The following UBXN2A variants were observed in gnomAD, a reference collection of about 807,000 sequenced individuals.
UBXN2A encodes UBX domain protein 2A.
UBXN2A carries 28 observed loss-of-function variants against 28.4 expected under a neutral mutation model. The observed-to-expected ratio is 0.99, with a 90% CI of 0.73 to 1.35. The LOEUF (loss-of-function observed/expected upper bound fraction) is 1.35. Among genes scored for constraint, UBXN2A ranks in the 40% most tolerant of loss-of-function variants. The probability of loss-of-function intolerance (pLI) is 0.00; values close to 1 mark genes in which losing one functional copy is unlikely to be tolerated. For synonymous variants in UBXN2A, 97 were observed against 103.6 expected, an observed-to-expected ratio of 0.94 and a Z score of 0.39; for missense variants, 253 against 297.9, an observed-to-expected ratio of 0.85 and a Z score of 1.11.
At chr2:23,954,006 A>C (rs1464769117) in intron 1 of UBXN2A, among the ~76,000 whole-genome samples, 2 of 152,086 alleles carry the variant, frequency 1.3e-5, no homozygotes, top group Non-Finnish European at 2.9e-5. Context: ...TGGAGACATT[A>C]TAATTTTTTT....
upstream of UBXN2A, among the ~76,000 whole-genome samples, chr2:23,938,977 T>C (rs1047620129): frequency 6.6e-6 from 1 of 152,112 alleles, no homozygotes; most frequent in Non-Finnish European, 1.5e-5. Context: ...GCAGTGAGAT[T>C]TGAACTCACC....
At chr2:23,987,143 T>A (rs901835561) in intron 6 of UBXN2A, among the ~76,000 whole-genome samples, 4 of 152,104 alleles carry the variant, frequency 2.6e-5, no homozygotes, top group Non-Finnish European at 5.9e-5. Context: ...TAGAAACATG[T>A]CATATATAGC....
chr2:23,981,476 T>TAAA lies in UBXN2A; in HGVS notation c.288-1391_288-1389dup, dbSNP rs55665209. Among the ~76,000 whole-genome samples, 172 of 28,940 alleles carry TAAA rather than the reference T, an allele frequency of 5.9e-3. 5 individuals carry two copies. Among genetic ancestry groups the TAAA allele is most frequent in the Middle Eastern group, 0.031 (1 of 32 alleles). The allele number at this position is 28,940 out of a possible 152,430, so 19.0% of individuals were successfully genotyped here. A position where few individuals can be genotyped will look rare whatever the true frequency, so the allele number is the denominator to read the frequency against. On this transcript the variant is annotated intron_variant, in intron 4 of 6. Transcript: ENST00000309033. ...CTGGGCAACAGAGTGAGCTCCTATC[T>TAAA]AAAAAAAAAAAAAAAAAAAAAAAAA... is the stretch of plus-strand genomic sequence containing the variant.
intron 6 of UBXN2A, among the ~76,000 whole-genome samples, chr2:23,985,280 G>A (rs550224698): frequency 6.6e-5 from 10 of 151,054 alleles, no homozygotes; most frequent in South Asian, 4.2e-4. Flanking sequence ...TCGGAGTCTC[G>A]CTCTGTTGCC....
chr2:23,948,785 TC>T (rs1706219200), intron 1 of UBXN2A, among the ~76,000 whole-genome samples: 1 of 152,176 alleles, frequency 6.6e-6, no homozygotes, highest in South Asian at 2.1e-4. Context: ...TGAGGTCTAT[TC>T]TATCTTCATT....
intron 1 of UBXN2A, 121 bp from the exon 2 acceptor site, chr2:23,958,180 C>A: frequency 1.7e-6 from 1 of 571,846 alleles, no homozygotes; most frequent in Non-Finnish European, 2.9e-6. Flanking sequence ...AAAATGACAG[C>A]TTTGAGTTTG....
At chr2:23,943,177 G>T (rs376955830) in intron 1 of UBXN2A, among the ~76,000 whole-genome samples, 3 of 151,682 alleles carry the variant, frequency 2.0e-5, no homozygotes, top group African/African-American at 7.3e-5. Context: ...GGCTGGTCTC[G>T]AACTCCAGAC....
rs886179432 is a variant in UBXN2A at position 24,004,684 on chromosome 2, A to G, written c.*4817A>G. The G allele has an allele frequency of 1.3e-5, 2 of 152,190 alleles. No individual in the cohort carries two copies. Among genetic ancestry groups the G allele is most frequent in the African/African-American group, 4.8e-5 (2 of 41,456 alleles). The allele number at this position is 152,190 out of a possible 1,614,324, so 9.4% of individuals were successfully genotyped here. A position where few individuals can be genotyped will look rare whatever the true frequency, so the allele number is the denominator to read the frequency against. ...AAAGAAAAAAAGAAATACATATCTA[A>G]TGTTACAGATTGTGGTTTATTGGTT... is the stretch of plus-strand genomic sequence containing the variant. On this transcript the variant is annotated 3_prime_UTR_variant, in exon 7 of 7. Coordinates refer to ENST00000309033, the MANE Select transcript of UBXN2A (RefSeq NM_181713.4).
chr2:23,936,239 A>G (rs1705522074), upstream of UBXN2A, among the ~76,000 whole-genome samples: 2 of 152,174 alleles, frequency 1.3e-5, no homozygotes. Context: ...AAAATGTAAT[A>G]TATACATACA....
At chr2:23,977,873 T>C (rs1707740934) in intron 4 of UBXN2A, among the ~76,000 whole-genome samples, 2 of 152,100 alleles carry the variant, frequency 1.3e-5, no homozygotes, top group South Asian at 4.1e-4. Context: ...GCTCTTTTGC[T>C]CAGGCTGGAA....
At chr2:23,950,618 G>T (rs1246421697) in intron 1 of UBXN2A, among the ~76,000 whole-genome samples, 1 of 151,734 alleles carries the variant, frequency 6.6e-6, no homozygotes, top group Non-Finnish European at 1.5e-5. Context: ...TGGCTGGGTT[G>T]GTCTCGAACT....
intron 1 of UBXN2A, among the ~76,000 whole-genome samples, chr2:23,955,527 C>T (rs942776235): frequency 2.6e-5 from 4 of 152,154 alleles, no homozygotes; most frequent in Non-Finnish European, 5.9e-5. Context: ...GAAGGGCATA[C>T]ATTCTGGAAA....
intron 2 of UBXN2A, among the ~76,000 whole-genome samples, chr2:23,967,726 T>C (rs558421411): frequency 1.3e-5 from 2 of 152,284 alleles, no homozygotes; most frequent in East Asian, 3.9e-4. Context: ...AAATCACTAG[T>C]GTTATAAGAA....
At chr2:23,933,413 G>A (rs1207880398) in intron 1 of UBXN2A, among the ~76,000 whole-genome samples, 1 of 152,146 alleles carries the variant, frequency 6.6e-6, no homozygotes, top group East Asian at 1.9e-4. Context: ...GTCTGAGGCA[G>A]GAGAATCGCT....
Position 24,000,702 on chromosome 2 carries a change from A to AT in UBXN2A, c.*842dup, listed in dbSNP as rs1229236835. 7.2e-5 allele frequency: 11 copies of AT among 152,188 alleles called. No individual in the cohort carries two copies. The South Asian group carries it at 2.1e-3, about 29-fold the overall frequency. The allele number at this position is 152,188 out of a possible 1,614,324, so 9.4% of individuals were successfully genotyped here. ...AACAGAGTGAGACCCCTGTCTATAT[A>AT]TTTTTTTAATTTAAAAAATAAAAGA... is the stretch of plus-strand genomic sequence containing the variant. On this transcript the variant is annotated 3_prime_UTR_variant, in exon 7 of 7. Transcript: ENST00000309033.
intron 3 of UBXN2A, 78 bp downstream of exon 3, chr2:23,971,492 A>G: frequency 3.6e-6 from 5 of 1,400,730 alleles, no homozygotes; most frequent in Non-Finnish European, 4.7e-6. Context: ...CCCTAAGGTC[A>G]AAATTGTTTT....
intron 6 of UBXN2A, among the ~76,000 whole-genome samples, chr2:23,988,333 A>G (rs1405264780): frequency 6.6e-6 from 1 of 152,128 alleles, no homozygotes; most frequent in African/African-American, 2.4e-5. Flanking sequence ...AGGGTTTTCC[A>G]TTTTATCTAA....
intron 1 of UBXN2A, among the ~76,000 whole-genome samples, chr2:23,958,039 A>G (rs756566445): frequency 7.2e-5 from 11 of 152,230 alleles, no homozygotes; most frequent in Non-Finnish European, 1.2e-4. Context: ...GGTGTGAGGC[A>G]CATGCCCAGT....
At chr2:23,956,283 T>C (rs1054414690) in intron 1 of UBXN2A, among the ~76,000 whole-genome samples, 1 of 152,174 alleles carries the variant, frequency 6.6e-6, no homozygotes, top group Non-Finnish European at 1.5e-5. Flanking sequence ...TTACCAGATT[T>C]ACCGAATGGG....
Sources: allele counts gnomAD v4.1 joint callset (sites outside exome capture counted in the v4.1 genomes callset), GRCh38; gene constraint gnomAD v4.1.1; transcripts MANE v1.5; gene names NCBI Gene and HGNC (gene_info 2026-07-23, HGNC 2026-07-21).